Variants in GAL observed in about 807,000 individuals in gnomAD.
The protein encoded by GAL is galanin and GMAP prepropeptide, also known as galanin peptides.
GAL carries 14 observed loss-of-function variants against 15.8 expected under a neutral mutation model. The ratio of observed to expected loss-of-function variants is 0.89; its 90% CI spans 0.59 to 1.39. The LOEUF (loss-of-function observed/expected upper bound fraction) is 1.39, where lower values mean the gene tolerates loss of function less well. Among genes scored for constraint, GAL ranks in the 40% most tolerant of loss-of-function variants. The probability of loss-of-function intolerance (pLI) is 0.00; values close to 1 mark genes in which losing one functional copy is unlikely to be tolerated. For synonymous variants in GAL, 79 were observed against 73.8 expected (o/e 1.07, Z -0.36); for missense variants, 176 against 170.4 (o/e 1.03, Z -0.18).
At chr11:68,685,027 C>G (rs772924321) in intron 2 of GAL, 23 bp downstream of exon 2, 3 of 1,518,592 alleles carry the variant, frequency 2.0e-6, no homozygotes, top group Non-Finnish European at 1.8e-6. Flanking sequence ...CGCGTCTCCT[C>G]CGAGCGAAGG....
chr11:68,688,344 C>T (rs982283697), intron 4 of GAL, among the ~76,000 whole-genome samples: 2 of 152,096 alleles, frequency 1.3e-5, no homozygotes, highest in African/African-American at 4.8e-5. Flanking sequence ...TCCAGAAGAG[C>T]GGGACTGGGC....
At chr11:68,690,628 A>G (rs746095516) in intron 5 of GAL, among the ~76,000 whole-genome samples, 13 of 152,212 alleles carry the variant, frequency 8.5e-5, no homozygotes, top group Non-Finnish European at 1.5e-4. Context: ...ATTTTGTAAC[A>G]TGGAAACTCT....
chr11:68,688,704 G>A, intron 4 of GAL, 145 bp from the exon 5 acceptor site: 1 of 615,030 alleles, frequency 1.6e-6, no homozygotes, highest in South Asian at 2.0e-5. Context: ...TTGAACAAGG[G>A]CCTTGGAAAG....
intron 3 of GAL, among the ~76,000 whole-genome samples, chr11:68,686,233 C>T (rs913182797): frequency 2.0e-5 from 3 of 152,100 alleles, no homozygotes; most frequent in African/African-American, 7.2e-5. Context: ...CAGGCTGACA[C>T]CTCCCCGTGT....
chr11:68,691,045 T>C lies in GAL; in HGVS notation c.*58T>C. ...AACCTGAAGTCAAACCTTAAGATAA[T>C]GGATAATCTTCGGCCAATTTATGCA... is the stretch of plus-strand genomic sequence containing the variant. On this transcript the variant is annotated 3_prime_UTR_variant, in exon 6 of 6. Transcript: ENST00000265643. 9.3e-7 allele frequency: 1 copy of C among 1,078,272 alleles called. No homozygotes were observed. The highest frequency in any genetic ancestry group is 1.2e-5 in the South Asian group (1 of 80,396). 66.8% of individuals were successfully genotyped at this position (1,078,272 alleles called of 1,614,324 possible).
At position 68,684,644 on chromosome 11, in the gene GAL, G is replaced by C. The variant is rs1016951320; in HGVS notation, c.-89G>C. ...CGCCCCAGGCCGCCAGAGCCCACCC[G>C]ACCCGGCCCGACGCCCGGACCTGCC... On this transcript the variant is annotated 5_prime_UTR_variant, in exon 1 of 6. Transcript: ENST00000265643. The C allele has an allele frequency of 2.0e-5, 6 of 305,498 alleles. No individual in the cohort carries two copies. Among genetic ancestry groups the C allele is most frequent in the Non-Finnish European group, 6.0e-6 (1 of 167,210 alleles). 18.9% of individuals were successfully genotyped at this position (305,498 alleles called of 1,614,324 possible).
intron 3 of GAL, among the ~76,000 whole-genome samples, chr11:68,687,182 C>A (rs1945861620): frequency 6.6e-6 from 1 of 152,156 alleles, no homozygotes; most frequent in Non-Finnish European, 1.5e-5. Context: ...GTTAATTCTC[C>A]TTTGTCTGGC....
Position 68,688,190 on chromosome 11 carries a change from T to C in GAL, c.223+90T>C, listed in dbSNP as rs929032586. On this transcript the variant is annotated intron_variant, in intron 4 of 5. Coordinates refer to ENST00000265643, the MANE Select transcript of GAL (RefSeq NM_015973.5). The stretch of plus-strand genomic sequence containing the variant: ...GGGACAGCTGTGGGTGTCGGGGCTG[T>C]CCACAGCTGCAGCCCAAGCCTGGCC... 9 of 807,908 alleles carry C rather than the reference T, an allele frequency of 1.1e-5. No individual in the cohort carries two copies. In the African/African-American group the frequency reaches 1.5e-4, roughly 14 times the overall value. The allele number at this position is 807,908 out of a possible 1,614,324, so 50.0% of individuals were successfully genotyped here.
intron 5 of GAL, among the ~76,000 whole-genome samples, chr11:68,689,487 C>T (rs1334957632): frequency 6.6e-6 from 1 of 152,092 alleles, no homozygotes; most frequent in East Asian, 1.9e-4. Context: ...GCCTCTGCCT[C>T]CTGGGCTCAA....
chr11:68,687,939 G>C (rs1052194033), intron 3 of GAL, 75 bp from the exon 4 acceptor site: 18 of 896,758 alleles, frequency 2.0e-5, no homozygotes, highest in Non-Finnish European at 3.0e-5. Flanking sequence ...AGGCAGCCCT[G>C]TGTCCTTCTT....
In GAL at chr11:68,684,557, G is replaced by A. The variant is rs934149952; in HGVS notation, c.-176G>A. On this transcript the variant is annotated 5_prime_UTR_variant, in exon 1 of 6. Transcript: ENST00000265643. The stretch of plus-strand genomic sequence containing the variant: ...GTGGCGGCGGCCACACCGGGCGGCG[G>A]ACACGTGGAGGGACCCGGCCCGCGC... 5.6e-6 allele frequency: 1 copy of A among 179,802 alleles called. No homozygotes were observed. Among genetic ancestry groups the A allele is most frequent in the Non-Finnish European group, 1.2e-5 (1 of 86,458 alleles). 11.1% of individuals were successfully genotyped at this position (179,802 alleles called of 1,614,324 possible). A position where few individuals can be genotyped will look rare whatever the true frequency, so the allele number is the denominator to read the frequency against.
chr11:68,688,282 C>T (rs555703110), intron 4 of GAL, among the ~76,000 whole-genome samples, 182 bp downstream of exon 4: 6 of 152,314 alleles, frequency 3.9e-5, no homozygotes, highest in South Asian at 4.1e-4. Context: ...CGTGCAAACC[C>T]GAGACAGCAA....
At chr11:68,686,461 C>A (rs1026659033) in intron 3 of GAL, among the ~76,000 whole-genome samples, 1 of 152,180 alleles carries the variant, frequency 6.6e-6, no homozygotes, top group African/African-American at 2.4e-5. Flanking sequence ...CTATCTGAGC[C>A]CCGCGGAGCA....
chr11:68,688,630 A>G (rs1260691662), intron 4 of GAL, among the ~76,000 whole-genome samples: 1 of 152,124 alleles, frequency 6.6e-6, no homozygotes, highest in African/African-American at 2.4e-5. Context: ...CTCCATCTCA[A>G]TTAAAAAGAA....
intron 3 of GAL, among the ~76,000 whole-genome samples, chr11:68,685,993 C>G (rs1001625895): frequency 2.2e-4 from 34 of 152,196 alleles, no homozygotes; most frequent in Non-Finnish European, 1.9e-4. Context: ...GCAGAGCACC[C>G]TAGGTCAGCG....
rs1294644392 is a variant in GAL, at chr11:68,684,677, C to G, written c.-56C>G. 3 of 385,572 alleles carry G rather than the reference C, an allele frequency of 7.8e-6. No individual in the cohort carries two copies. The highest frequency in any genetic ancestry group is 2.1e-5 in the African/African-American group (1 of 47,520). 23.9% of individuals were successfully genotyped at this position (385,572 alleles called of 1,614,324 possible). A position where few individuals can be genotyped will look rare whatever the true frequency, so the allele number is the denominator to read the frequency against. On this transcript the variant is annotated 5_prime_UTR_variant, in exon 1 of 6. Transcript: ENST00000265643. ...CCGACGCCCGGACCTGCCGCCCAGA[C>G]CCGCCACCGCACCCGGACCCCGACG...
Position 68,688,078 on chromosome 11 carries a change from G to A in GAL, c.201G>A (p.Arg67=). 1.9e-6 allele frequency: 3 copies of A among 1,611,558 alleles called. No homozygotes were observed. The highest frequency in any genetic ancestry group is 2.5e-6 in the Non-Finnish European group (3 of 1,177,874). Reference sequence around the variant, plus strand: ...GCCTCACCAGCAAGCGGGAGCTGCGGCCCGAAGATGACATGAAACCAGGTG... The same window carrying A: ...GCCTCACCAGCAAGCGGGAGCTGCGACCCGAAGATGACATGAAACCAGGTG... ...KNGLTSKREL[R]PEDDMKPGSF... is the part of the protein sequence containing the mutation. The change falls in exon 4 of 6, where the codon CGG becomes CGA. Residue 67 remains arginine (R), a synonymous_variant. Coordinates refer to ENST00000265643, the MANE Select transcript of GAL (RefSeq NM_015973.5).
At position 68,684,992 on chromosome 11, in the gene GAL, G is replaced by GCT. The variant is rs1566301689; in HGVS notation, c.72_73dup (p.Trp25SerfsTer13). On this transcript the variant is annotated frameshift_variant, in exon 2 of 6. Transcript: ENST00000265643. LOFTEE classifies it high-confidence loss of function. Reference sequence around the variant, plus strand: ...CCGCGGCCCTTTCTGCCTCTGCGGGGCTCTGGTCGCCGGTAAGTGCGGGGC... The same window carrying GCT: ...CCGCGGCCCTTTCTGCCTCTGCGGGGCTCTCTGGTCGCCGGTAAGTGCGGGGC... The GCT allele has an allele frequency of 2.5e-6, 4 of 1,599,922 alleles. No homozygotes were observed. The highest frequency in any genetic ancestry group is 3.4e-6 in the Non-Finnish European group (4 of 1,173,062).
intron 3 of GAL, among the ~76,000 whole-genome samples, chr11:68,687,214 C>T (rs1546309): frequency 0.7 from 106,834 of 151,974 alleles, 38,340 homozygotes; most frequent in East Asian, 0.85. Context: ...CACAGTCCAC[C>T]CAGGCCAACC....
Sources: gnomAD v4.1 joint callset for allele counts (sites outside exome capture counted in the v4.1 genomes callset) on GRCh38, gnomAD v4.1.1 for gene constraint, MANE v1.5 for transcripts, NCBI Gene and HGNC (gene_info 2026-07-23, HGNC 2026-07-21) for gene names.